The following ITGA1 variants were observed in gnomAD, a reference collection of about 807,000 sequenced individuals.
ITGA1 encodes integrin subunit alpha 1.
ITGA1 carries 85 observed loss-of-function variants against 145.9 expected under a neutral mutation model. The ratio of observed to expected loss-of-function variants is 0.58; its 90% CI spans 0.49 to 0.70. The LOEUF is 0.70. Among genes scored for constraint, ITGA1 ranks in the 30% least tolerant of loss-of-function variants. The probability of loss-of-function intolerance (pLI) is 0.00; values close to 1 mark genes in which losing one functional copy is unlikely to be tolerated. For synonymous variants in ITGA1, 520 were observed against 495.3 expected, an observed-to-expected ratio of 1.05 and a Z score of -0.66; for missense variants, 1,351 against 1,418.7, an observed-to-expected ratio of 0.95 and a Z score of 0.77.
chr5:52,809,356 G>A (rs536537199), intron 1 of ITGA1, among the ~76,000 whole-genome samples: 1 of 152,242 alleles, frequency 6.6e-6, no homozygotes, highest in South Asian at 2.1e-4. Flanking sequence ...AGCTCAGAGG[G>A]CTAACTCAGC....
intron 1 of ITGA1, among the ~76,000 whole-genome samples, chr5:52,806,892 C>T (rs544990945): frequency 9.2e-5 from 14 of 152,202 alleles, no homozygotes; most frequent in African/African-American, 3.1e-4. Flanking sequence ...TTGCTTTTTA[C>T]AATGAATATT....
chr5:52,925,575 G>T, intron 19 of ITGA1, 88 bp downstream of exon 19: 2 of 965,902 alleles, frequency 2.1e-6, no homozygotes, highest in South Asian at 3.2e-5. Context: ...GCTTTTATTA[G>T]ATTGATTTTG....
Position 52,886,102 on chromosome 5 carries a change from G to A in ITGA1, c.774-1713G>A, listed in dbSNP as rs570641810. Among the ~76,000 whole-genome samples, 3 of 152,330 alleles carry A rather than the reference G, an allele frequency of 2.0e-5. No individual in the cohort carries two copies. In the East Asian group the frequency reaches 5.8e-4, roughly 29 times the overall value. The stretch of plus-strand genomic sequence containing the variant: ...CAGATTCTTGCTTAAACTGGACTAA[G>A]TGGGTAAAGAACACAGCCCAGGGTC... On this transcript the variant is annotated intron_variant, in intron 7 of 28. Transcript: ENST00000282588.
rs1749663285 is a variant in ITGA1 at position 52,865,042 on chromosome 5, C to G, written c.456C>G (p.Ser152Arg). ...CAACTGGAATCTGTTCTGACGTCAG[C>G]CCCACATTTCAAGTCGTGAATTCCA... ...HYTTGICSDVSPTFQVVNSIA... is the reference protein window; with the variant it reads ...HYTTGICSDVRPTFQVVNSIA... Residue 152 changes from serine (S) to arginine (R), a missense_variant, in exon 5 of 29, where the codon AGC becomes AGG. Transcript: ENST00000282588. 1.2e-6 allele frequency: 2 copies of G among 1,613,558 alleles called. No homozygotes were observed. The highest frequency in any genetic ancestry group is 1.3e-5 in the African/African-American group (1 of 74,874).
At chr5:52,939,763 A>G (rs1207867470) in intron 25 of ITGA1, 72 bp downstream of exon 25, 8 of 1,436,114 alleles carry the variant, frequency 5.6e-6, no homozygotes, top group African/African-American at 2.8e-5. Context: ...TCTAGAAATA[A>G]CCATCTGAAG....
intron 1 of ITGA1, chr5:52,801,323 A>G: frequency 8.2e-7 from 1 of 1,220,714 alleles, no homozygotes; most frequent in Non-Finnish European, 1.2e-6. Flanking sequence ...AAGCCTTACT[A>G]GCGCTTTTGG....
chr5:52,792,835 A>G (rs957868390), intron 1 of ITGA1, among the ~76,000 whole-genome samples: 21 of 152,204 alleles, frequency 1.4e-4, no homozygotes, highest in African/African-American at 5.1e-4. Flanking sequence ...CTGTTGCCAC[A>G]GTGCTAAAGT....
intron 1 of ITGA1, among the ~76,000 whole-genome samples, chr5:52,791,828 C>A (rs773008010): frequency 6.6e-6 from 1 of 151,960 alleles, no homozygotes; most frequent in Non-Finnish European, 1.5e-5. Context: ...ATGAGGAAAT[C>A]AAAATATAGT....
At chr5:52,884,770 A>G (rs1750020766) in intron 7 of ITGA1, among the ~76,000 whole-genome samples, 3 of 152,230 alleles carry the variant, frequency 2.0e-5, no homozygotes, top group South Asian at 2.1e-4. Context: ...AACACTTGAC[A>G]TGTCACTTCT....
At chr5:52,927,497 A>T (rs1253711971) in intron 19 of ITGA1, 87 bp from the exon 20 acceptor site, 1 of 877,290 alleles carries the variant, frequency 1.1e-6, no homozygotes, top group Non-Finnish European at 1.8e-6. Context: ...GGCAGTCACC[A>T]AGACACATCT....
intron 1 of ITGA1, among the ~76,000 whole-genome samples, chr5:52,817,330 C>A (rs1171371533): frequency 6.6e-6 from 1 of 152,194 alleles, no homozygotes; most frequent in East Asian, 1.9e-4. Context: ...GCATTACTAG[C>A]CATTGTGAGC....
At chr5:52,911,079 AGTATATATAGT>A (rs554338183) in intron 14 of ITGA1, among the ~76,000 whole-genome samples, 4,051 of 133,484 alleles carry the variant, frequency 0.03, 238 homozygotes, top group African/African-American at 0.11. Context: ...GTGTATATAT[AGTATATATAGT>A]GTATATATAG....
intron 6 of ITGA1, among the ~76,000 whole-genome samples, chr5:52,878,940 C>A: frequency 7.1e-6 from 1 of 141,790 alleles, no homozygotes; most frequent in African/African-American, 2.7e-5. Context: ...GTCATTGGAC[C>A]ATGGAATCTA....
At chr5:52,924,062 G>A (rs893890421) in intron 18 of ITGA1, among the ~76,000 whole-genome samples, 1 of 152,186 alleles carries the variant, frequency 6.6e-6, no homozygotes, top group Non-Finnish European at 1.5e-5. Context: ...TGAGGGGAGA[G>A]AAGAGGGAGG....
chr5:52,831,633 T>A (rs1833891), intron 1 of ITGA1, among the ~76,000 whole-genome samples: 127,042 of 151,184 alleles, frequency 0.84, 53,644 homozygotes, highest in Non-Finnish European at 0.88. Flanking sequence ...TTTTTTTTTT[T>A]AACCTTAAAG....
intron 1 of ITGA1, among the ~76,000 whole-genome samples, chr5:52,792,372 T>G (rs1024975483): frequency 1.3e-5 from 2 of 152,214 alleles, no homozygotes; most frequent in Non-Finnish European, 2.9e-5. Context: ...GAAAATTGTC[T>G]TACTCATTGT....
chr5:52,807,989 G>A (rs1407573643), intron 1 of ITGA1, among the ~76,000 whole-genome samples: 1 of 152,112 alleles, frequency 6.6e-6, no homozygotes, highest in African/African-American at 2.4e-5. Context: ...ATATCAGCAG[G>A]AGATGACCAC....
intron 1 of ITGA1, among the ~76,000 whole-genome samples, chr5:52,842,243 A>G (rs910807717): frequency 6.6e-6 from 1 of 152,160 alleles, no homozygotes; most frequent in Non-Finnish European, 1.5e-5. Context: ...CTCTAACTGA[A>G]TGGAATGGTG....
chr5:52,788,282 A>T lies in ITGA1; in HGVS notation c.-72A>T. The T allele has an allele frequency of 8.2e-7, 1 of 1,225,804 alleles. No homozygotes were observed. Among genetic ancestry groups the T allele is most frequent in the Non-Finnish European group, 1.1e-6 (1 of 929,808 alleles). The allele number at this position is 1,225,804 out of a possible 1,614,324, so 75.9% of individuals were successfully genotyped here. A position where few individuals can be genotyped will look rare whatever the true frequency, so the allele number is the denominator to read the frequency against. On this transcript the variant is annotated 5_prime_UTR_variant, in exon 1 of 29. Transcript: ENST00000282588. ...GCAGCGGGATAAGTGGCCCAGCCAGAGAGCGCAGCTCCCGCGCCCGGTCCT... is the reference window on the plus strand; with the variant it reads ...GCAGCGGGATAAGTGGCCCAGCCAGTGAGCGCAGCTCCCGCGCCCGGTCCT...
Sources: gnomAD v4.1 joint callset for allele counts (sites outside exome capture counted in the v4.1 genomes callset) on GRCh38, gnomAD v4.1.1 for gene constraint, MANE v1.5 for transcripts, NCBI Gene and HGNC (gene_info 2026-07-23, HGNC 2026-07-21) for gene names.